The following ARHGAP15 variants were observed in gnomAD, a reference collection of about 807,000 sequenced individuals.
ARHGAP15 encodes the protein Rho GTPase activating protein 15, also known as rho GTPase-activating protein 15.
Under a neutral mutation model 63.7 loss-of-function variants are expected in ARHGAP15, and 51 were observed. The observed-to-expected ratio is 0.80, with a 90% confidence interval of 0.64 to 1.01. The LOEUF (loss-of-function observed/expected upper bound fraction) is 1.01, where lower values mean the gene tolerates loss of function less well. Ranked by LOEUF, ARHGAP15 falls within the 50% of genes least tolerant of loss-of-function variation. The probability of loss-of-function intolerance (pLI) is 0.00; values close to 1 mark genes in which losing one functional copy is unlikely to be tolerated. For missense variants in ARHGAP15, 560 were observed against 564.6 expected, an observed-to-expected ratio of 0.99 and a Z score of 0.08; for synonymous variants, 191 against 193.8, an observed-to-expected ratio of 0.99 and a Z score of 0.12.
intron 12 of ARHGAP15, among the ~76,000 whole-genome samples, chr2:143,657,121 C>T (rs1681486974): frequency 6.6e-6 from 1 of 152,094 alleles, no homozygotes; most frequent in Non-Finnish European, 1.5e-5. Context: ...CTGAGGTGGG[C>T]AGATCGTGAG....
intron 13 of ARHGAP15, among the ~76,000 whole-genome samples, chr2:143,739,084 A>G (rs1307642838): frequency 6.6e-6 from 1 of 152,176 alleles, no homozygotes; most frequent in African/African-American, 2.4e-5. Flanking sequence ...CTGGTTTTTA[A>G]GCAGAGAAGA....
intron 6 of ARHGAP15, among the ~76,000 whole-genome samples, chr2:143,283,682 C>T (rs1056251129): frequency 6.6e-6 from 1 of 152,156 alleles, no homozygotes; most frequent in African/African-American, 2.4e-5. Flanking sequence ...TAATTTGATG[C>T]ATACCTTTCT....
At chr2:143,561,514 TC>T (rs1696017762) in intron 11 of ARHGAP15, among the ~76,000 whole-genome samples, 1 of 125,680 alleles carries the variant, frequency 8.0e-6, no homozygotes. Flanking sequence ...TTTTTCTTTT[TC>T]TTTTTTTTTT....
chr2:143,375,967 G>A (rs1686791487), intron 6 of ARHGAP15, among the ~76,000 whole-genome samples: 1 of 152,210 alleles, frequency 6.6e-6, no homozygotes, highest in Non-Finnish European at 1.5e-5. Flanking sequence ...AGCTCACATT[G>A]TAAAATGCAC....
At chr2:143,144,368 A>G (rs561836148) in intron 1 of ARHGAP15, among the ~76,000 whole-genome samples, 2 of 152,026 alleles carry the variant, frequency 1.3e-5, no homozygotes, top group Non-Finnish European at 2.9e-5. Context: ...TTGTACTCCC[A>G]CCAACAGTGT....
chr2:143,550,337 G>T (rs1695499913), intron 10 of ARHGAP15, among the ~76,000 whole-genome samples: 1 of 152,172 alleles, frequency 6.6e-6, no homozygotes, highest in African/African-American at 2.4e-5. Flanking sequence ...AAAACAGTCA[G>T]ATGGGTAAAG....
intron 13 of ARHGAP15, among the ~76,000 whole-genome samples, chr2:143,709,940 G>A (rs758352598): frequency 3.9e-5 from 6 of 152,154 alleles, no homozygotes; most frequent in Non-Finnish European, 5.9e-5. Flanking sequence ...TGCTGGTGAC[G>A]CTCTCTGCCT....
At chr2:143,330,113 A>AC (rs1684457748) in intron 6 of ARHGAP15, among the ~76,000 whole-genome samples, 3 of 90,448 alleles carry the variant, frequency 3.3e-5, no homozygotes, top group Admixed American at 1.7e-4. Context: ...AAAAAAAAAA[A>AC]AAAAAAAAAA....
intron 3 of ARHGAP15, among the ~76,000 whole-genome samples, chr2:143,215,793 T>C (rs968353236): frequency 6.6e-6 from 1 of 152,180 alleles, no homozygotes; most frequent in African/African-American, 2.4e-5. Context: ...TGCAGCTCTA[T>C]TAGAAATGAA....
intron 6 of ARHGAP15, among the ~76,000 whole-genome samples, chr2:143,322,440 A>G (rs1009119041): frequency 6.6e-6 from 1 of 152,246 alleles, no homozygotes; most frequent in Non-Finnish European, 1.5e-5. Flanking sequence ...AGCTTGTGAA[A>G]TGAATGGCAC....
intron 6 of ARHGAP15, among the ~76,000 whole-genome samples, chr2:143,418,885 T>G (rs1688793490): frequency 6.6e-6 from 1 of 152,188 alleles, no homozygotes; most frequent in African/African-American, 2.4e-5. Context: ...TATTGATGGC[T>G]GACTTCTTGT....
intron 6 of ARHGAP15, among the ~76,000 whole-genome samples, chr2:143,274,624 A>G (rs1558859929): frequency 6.6e-6 from 1 of 152,234 alleles, no homozygotes; most frequent in Non-Finnish European, 1.5e-5. Context: ...TTAGACTTCC[A>G]CAGCACAATC....
At chr2:143,499,815 C>T (rs1692973780) in intron 9 of ARHGAP15, among the ~76,000 whole-genome samples, 1 of 152,046 alleles carries the variant, frequency 6.6e-6, no homozygotes, top group Non-Finnish European at 1.5e-5. Flanking sequence ...TCAAAGAAAG[C>T]CTCTCCTTTG....
intron 1 of ARHGAP15, among the ~76,000 whole-genome samples, chr2:143,145,266 G>A (rs1440569482): frequency 1.3e-5 from 2 of 151,926 alleles, no homozygotes; most frequent in Non-Finnish European, 2.9e-5. Flanking sequence ...TCATCTTTTG[G>A]TCTGGGCTTG....
chr2:143,155,713 A>G (rs1690050754), intron 2 of ARHGAP15, 58 bp downstream of exon 2: 4 of 1,203,854 alleles, frequency 3.3e-6, no homozygotes, highest in Admixed American at 3.1e-5. Context: ...TTGTAAAAGG[A>G]AAAAAAAAAG....
Position 143,627,923 on chromosome 2 carries a change from C to T in ARHGAP15, c.1138+3656C>T, listed in dbSNP as rs1031065273. Among the ~76,000 whole-genome samples, 4 of 151,906 alleles carry T rather than the reference C, an allele frequency of 2.6e-5. No individual in the cohort carries two copies. In the East Asian group the frequency reaches 7.7e-4, roughly 29 times the overall value. Reference sequence around the variant, plus strand: ...CTGAGGTTTGAGGTACAAATAATGCCATCACCCAGGTATAGAGCATACTAC... The same window carrying T: ...CTGAGGTTTGAGGTACAAATAATGCTATCACCCAGGTATAGAGCATACTAC... On this transcript the variant is annotated intron_variant, in intron 12 of 13. Coordinates refer to ENST00000295095, the MANE Select transcript of ARHGAP15 (RefSeq NM_018460.4).
At chr2:143,352,275 C>T (rs1685606949) in intron 6 of ARHGAP15, among the ~76,000 whole-genome samples, 1 of 152,038 alleles carries the variant, frequency 6.6e-6, no homozygotes, top group Non-Finnish European at 1.5e-5. Context: ...GTACTACTGC[C>T]ATCTAAATAA....
chr2:143,695,139 C>T (rs1287266092), intron 12 of ARHGAP15, among the ~76,000 whole-genome samples: 1 of 151,858 alleles, frequency 6.6e-6, no homozygotes, highest in Non-Finnish European at 1.5e-5. Context: ...ATAGTAAAGA[C>T]TTTTTTTAAT....
chr2:143,200,998 A>G (rs555874082), intron 2 of ARHGAP15, among the ~76,000 whole-genome samples: 81 of 152,308 alleles, frequency 5.3e-4, no homozygotes, highest in Admixed American at 3.7e-3. Context: ...GATGAAGCAC[A>G]ACAGGAATAG....
Sources: gnomAD v4.1 joint callset for allele counts (sites outside exome capture counted in the v4.1 genomes callset) on GRCh38, gnomAD v4.1.1 for gene constraint, MANE v1.5 for transcripts, NCBI Gene and HGNC (gene_info 2026-07-23, HGNC 2026-07-21) for gene names.